The following GLYR1 variants were observed in gnomAD, a reference collection of about 807,000 sequenced individuals.
GLYR1 encodes the protein cytokine-like nuclear factor N-PAC.
A neutral mutation model predicts 72.7 loss-of-function variants in GLYR1; 21 were observed. That is an observed-to-expected ratio of 0.29 (90% CI 0.20 to 0.42). GLYR1 has a LOEUF of 0.42. Among genes scored for constraint, GLYR1 ranks in the 10% least tolerant of loss-of-function variants. The pLI is 1.00. For missense variants in GLYR1, 594 were observed against 712.1 expected, an observed-to-expected ratio of 0.83 and a Z score of 1.89; for synonymous variants, 392 against 270.2, an observed-to-expected ratio of 1.45 and a Z score of -4.42.
intron 15 of GLYR1, among the ~76,000 whole-genome samples, chr16:4,808,598 C>CTAAAATAAAATAAAATAAAA (rs370659586): frequency 9.2e-5 from 14 of 151,530 alleles, no homozygotes; most frequent in African/African-American, 3.4e-4. Flanking sequence ...AACTCGGTCT[C>CTAAAATAAAATAAAATAAAA]TAAAATAAAA....
intron 3 of GLYR1, among the ~76,000 whole-genome samples, chr16:4,840,824 C>T (rs866939112): frequency 1.3e-5 from 2 of 152,304 alleles, no homozygotes; most frequent in South Asian, 4.1e-4. Flanking sequence ...GAGCTCTTTC[C>T]CCAAAGTAAT....
In GLYR1 at chr16:4,832,138, C is replaced by A; in HGVS notation, c.378G>T (p.Lys126Asn). The A allele has an allele frequency of 6.2e-7, 1 of 1,614,216 alleles. No individual in the cohort carries two copies. Among genetic ancestry groups the A allele is most frequent in the Non-Finnish European group, 8.5e-7 (1 of 1,180,042 alleles). ...TCCCTTCAGACAGGCTAAGTTTGCGCTTCTCATCACCTGAGTTTGGCCTAC... is the reference window on the plus strand; with the variant it reads ...TCCCTTCAGACAGGCTAAGTTTGCGATTCTCATCACCTGAGTTTGGCCTAC... ...ERSRPNSGDE[K>N]RKLSLSEGKV... The change falls in exon 5 of 16, where the codon AAG becomes AAT. Residue 126 changes from lysine (K) to asparagine (N), a missense_variant. Coordinates refer to ENST00000321919, the MANE Select transcript of GLYR1 (RefSeq NM_032569.4).
chr16:4,835,173 C>T (rs1445336739), intron 3 of GLYR1, among the ~76,000 whole-genome samples: 1 of 152,112 alleles, frequency 6.6e-6, no homozygotes, highest in Admixed American at 6.6e-5. Flanking sequence ...ACTTGCTAAT[C>T]CCACCCACGC....
chr16:4,808,121 A>T (rs1011431804), intron 15 of GLYR1, among the ~76,000 whole-genome samples: 19 of 151,974 alleles, frequency 1.3e-4, no homozygotes, highest in Non-Finnish European at 1.8e-4. Flanking sequence ...CTGCGGTTCC[A>T]GCTACTTGGG....
chr16:4,839,811 A>G (rs1047762668), intron 3 of GLYR1: 14 of 152,216 alleles, frequency 9.2e-5, no homozygotes, highest in African/African-American at 3.4e-4. Flanking sequence ...CTCTTTAATA[A>G]AAGACCTTGC....
At chr16:4,843,053 G>C (rs1013213229) in intron 3 of GLYR1, among the ~76,000 whole-genome samples, 18 of 152,176 alleles carry the variant, frequency 1.2e-4, no homozygotes, top group African/African-American at 4.1e-4. Flanking sequence ...ACTTGACTGA[G>C]CATCTGGAAG....
chr16:4,807,993 T>C (rs1248517463), intron 15 of GLYR1, among the ~76,000 whole-genome samples: 1 of 151,344 alleles, frequency 6.6e-6, no homozygotes, highest in Non-Finnish European at 1.5e-5. Flanking sequence ...CCCAGCACTT[T>C]GGGAGGCCAA....
Position 4,814,762 on chromosome 16 carries a change from G to C in GLYR1, c.907-115C>G, listed in dbSNP as rs901567436. ...GCGGCCTACCAAGGCAGGAGGCTGAGGCCGGGAGCCTGGGTCATGGAGATA... is the reference window on the plus strand; with the variant it reads ...GCGGCCTACCAAGGCAGGAGGCTGACGCCGGGAGCCTGGGTCATGGAGATA... On this transcript the variant is annotated intron_variant, in intron 10 of 15. Coordinates refer to ENST00000321919, the MANE Select transcript of GLYR1 (RefSeq NM_032569.4). 3.7e-6 allele frequency: 3 copies of C among 803,510 alleles called. No homozygotes were observed. In the South Asian group the frequency reaches 4.7e-5, roughly 13 times the overall value. The allele number at this position is 803,510 out of a possible 1,614,324, so 49.8% of individuals were successfully genotyped here.
chr16:4,816,141 T>A (rs1454129073), intron 10 of GLYR1, among the ~76,000 whole-genome samples: 1 of 152,096 alleles, frequency 6.6e-6, no homozygotes, highest in Non-Finnish European at 1.5e-5. Context: ...TTGTGAGCCA[T>A]TTTTTTGTCC....
rs763075089 is a variant in GLYR1 at position 4,823,807 on chromosome 16, G to C, written c.624+14C>G. The C allele has an allele frequency of 6.2e-7, 1 of 1,611,650 alleles. No individual in the cohort carries two copies. The highest frequency in any genetic ancestry group is 1.7e-5 in the Admixed American group (1 of 59,910). On this transcript the variant is annotated intron_variant, in intron 6 of 15. Coordinates refer to ENST00000321919, the MANE Select transcript of GLYR1 (RefSeq NM_032569.4). Reference sequence around the variant, plus strand: ...TAAGCCACAGCTTGTCCTGCCTGCAGGAGAGCTCCTTACCTCGCTTGCGGT... The same window carrying C: ...TAAGCCACAGCTTGTCCTGCCTGCACGAGAGCTCCTTACCTCGCTTGCGGT...
At chr16:4,813,939 T>C in intron 11 of GLYR1, 101 bp from the exon 12 acceptor site, 1 of 838,764 alleles carries the variant, frequency 1.2e-6, no homozygotes. Flanking sequence ...TTTGGCTCAT[T>C]TCCTGATTTC....
chr16:4,828,026 A>G (rs1320912917), intron 5 of GLYR1, among the ~76,000 whole-genome samples: 1 of 147,476 alleles, frequency 6.8e-6, no homozygotes, highest in Non-Finnish European at 1.5e-5. Flanking sequence ...CTCTGTCAGC[A>G]TTTTTTTTTT....
At chr16:4,807,212 A>T (rs540116289) in intron 15 of GLYR1, among the ~76,000 whole-genome samples, 28 of 150,984 alleles carry the variant, frequency 1.9e-4, no homozygotes, top group African/African-American at 6.3e-4. Context: ...CCTGGGTTCA[A>T]GTGATTCTCC....
intron 3 of GLYR1, among the ~76,000 whole-genome samples, chr16:4,834,206 C>A (rs2084974992): frequency 6.6e-6 from 1 of 151,948 alleles, no homozygotes. Context: ...CACTATCAGG[C>A]ATGCCACCAT....
chr16:4,816,538 A>G (rs894928593), intron 10 of GLYR1, among the ~76,000 whole-genome samples: 8 of 152,174 alleles, frequency 5.3e-5, no homozygotes, highest in Non-Finnish European at 1.5e-5. Context: ...TATTTGCTAC[A>G]AGTACTTCTA....
In GLYR1 at chr16:4,805,069, G is replaced by A. The variant is rs1313770418; in HGVS notation, c.*167C>T. ...CTTGTCCCCTCCCCACCGGCCTCAG[G>A]GGAAGGGTGCTGCTGTGTGCTGTGC... On this transcript the variant is annotated 3_prime_UTR_variant, in exon 16 of 16. Transcript: ENST00000321919. The A allele has an allele frequency of 1.6e-6, 1 of 641,854 alleles. No homozygotes were observed. Among genetic ancestry groups the A allele is most frequent in the Non-Finnish European group, 2.8e-6 (1 of 356,358 alleles). The allele number at this position is 641,854 out of a possible 1,614,324, so 39.8% of individuals were successfully genotyped here.
rs1024684539 is a variant in GLYR1, at chr16:4,812,093, G to A, written c.1275C>T (p.Phe425=). 8 of 1,613,446 alleles carry A rather than the reference G, an allele frequency of 5.0e-6. No homozygotes were observed. In the African/African-American group the frequency reaches 9.3e-5, roughly 19 times the overall value. ...SCFQAMGKTS[F]FLGEVGNAAK... ...CAGGTGCAGGCGTGTTACCTAGGAA[G>A]AAGGAGGTCTTCCCCATCGCCTGGA... Residue 425 remains phenylalanine (F), a synonymous_variant, in exon 13 of 16, where the codon TTC becomes TTT. Transcript: ENST00000321919.
intron 5 of GLYR1, among the ~76,000 whole-genome samples, chr16:4,831,470 T>C (rs904115886): frequency 2.0e-5 from 3 of 152,166 alleles, no homozygotes; most frequent in Non-Finnish European, 2.9e-5. Flanking sequence ...ATCCTCTCCC[T>C]GTTCGAGAGT....
chr16:4,818,823 C>T (rs560638021), intron 9 of GLYR1, among the ~76,000 whole-genome samples: 30 of 152,136 alleles, frequency 2.0e-4, no homozygotes, highest in Non-Finnish European at 3.7e-4. Context: ...TTTCCCAGTC[C>T]ACAAATCCTT....
Sources: gnomAD v4.1 joint callset for allele counts (sites outside exome capture counted in the v4.1 genomes callset) on GRCh38, gnomAD v4.1.1 for gene constraint, MANE v1.5 for transcripts, NCBI Gene and HGNC (gene_info 2026-07-23, HGNC 2026-07-21) for gene names.